MED13: variants seen among roughly 807,000 people sequenced by gnomAD.
The protein encoded by MED13 is mediator of RNA polymerase II transcription subunit 13.
In MED13, 23 loss-of-function variants were observed where a neutral mutation model predicts 225.2. The ratio of observed to expected loss-of-function variants is 0.10; its 90% CI spans 0.07 to 0.14. The LOEUF (loss-of-function observed/expected upper bound fraction) is 0.14, where lower values mean the gene tolerates loss of function less well. MED13 is among the 10% of genes least tolerant of loss of function. The pLI is 1.00. For missense variants in MED13, 2,197 were observed against 2,594.5 expected, an observed-to-expected ratio of 0.85 and a Z score of 3.33; for synonymous variants, 942 against 889.2, an observed-to-expected ratio of 1.06 and a Z score of -1.06.
chr17:61,997,175 T>C (rs1485824521), intron 9 of MED13, among the ~76,000 whole-genome samples: 1 of 152,188 alleles, frequency 6.6e-6, no homozygotes, highest in Non-Finnish European at 1.5e-5. Flanking sequence ...CTAACACTAG[T>C]AGCACTTGAT....
chr17:61,962,539 A>T (rs1377516895), intron 21 of MED13, among the ~76,000 whole-genome samples: 1 of 152,134 alleles, frequency 6.6e-6, no homozygotes, highest in Non-Finnish European at 1.5e-5. Context: ...TACTTAATGG[A>T]ATTTTTTTAT....
chr17:61,988,385 A>C (rs1186573606), intron 11 of MED13, among the ~76,000 whole-genome samples: 1 of 152,236 alleles, frequency 6.6e-6, no homozygotes, highest in East Asian at 1.9e-4. Context: ...CTGCACAAGA[A>C]AAACAATTTG....
intron 2 of MED13, among the ~76,000 whole-genome samples, chr17:62,061,886 A>G (rs1323624552): frequency 6.6e-6 from 1 of 152,240 alleles, no homozygotes; most frequent in Non-Finnish European, 1.5e-5. Flanking sequence ...AAAGCTGGAA[A>G]GCTTTCTTGA....
chr17:62,043,156 C>CAAAAAAAAAAAAAAAAAA lies in MED13; in HGVS notation c.471-7566_471-7549dup, dbSNP rs764530614. ...AGGAGACAAAGCAAGACCCTGTCTC[C>CAAAAAAAAAAAAAAAAAA]AAAAAAAAAAAAAAAAAAAAAAAAA... On this transcript the variant is annotated intron_variant, in intron 3 of 29. Transcript: ENST00000397786. Among the ~76,000 whole-genome samples, 23 of 31,674 alleles carry CAAAAAAAAAAAAAAAAAA rather than the reference C, an allele frequency of 7.3e-4. No homozygotes were observed. The East Asian group carries it at 7.8e-3, about 11-fold the overall frequency. 20.8% of individuals were successfully genotyped at this position (31,674 alleles called of 152,430 possible).
intron 28 of MED13, among the ~76,000 whole-genome samples, chr17:61,950,199 A>T (rs2079884772): frequency 6.6e-6 from 1 of 152,106 alleles, no homozygotes; most frequent in Non-Finnish European, 1.5e-5. Context: ...AGTTTCTCTC[A>T]GCTCTAAATT....
At chr17:62,036,973 T>C (rs2080809133) in intron 3 of MED13, 1 of 152,186 alleles carries the variant, frequency 6.6e-6, no homozygotes, top group Admixed American at 6.5e-5. Flanking sequence ...ATAAATTTTT[T>C]TTAGGCCAGG....
chr17:62,031,282 G>A (rs2080753174), intron 6 of MED13, 162 bp downstream of exon 6: 1 of 613,688 alleles, frequency 1.6e-6, no homozygotes, highest in Non-Finnish European at 2.7e-6. Context: ...GGGTGATGGA[G>A]TAAATAATAA....
chr17:62,048,011 TATATACATATATAC>T (rs1211252524), intron 3 of MED13, among the ~76,000 whole-genome samples: 2 of 140,132 alleles, frequency 1.4e-5, no homozygotes, highest in Admixed American at 7.2e-5. Flanking sequence ...GGTACTGGTA[TATATACATATATAC>T]ATATACATAT....
At chr17:62,012,491 C>T (rs1311538151) in intron 8 of MED13, among the ~76,000 whole-genome samples, 4 of 151,276 alleles carry the variant, frequency 2.6e-5, no homozygotes, top group Non-Finnish European at 5.9e-5. Flanking sequence ...CCACCATGCC[C>T]GGCTAATTTT....
At chr17:62,004,568 G>A (rs2080427351) in intron 9 of MED13, 1 of 152,182 alleles carries the variant, frequency 6.6e-6, no homozygotes, top group Admixed American at 6.5e-5. Context: ...TGCTGGTGTA[G>A]CTAAATCAGG....
Position 61,943,906 on chromosome 17 carries a change from A to G in MED13, c.*2562T>C, listed in dbSNP as rs918502289. The G allele has an allele frequency of 7.2e-5, 11 of 152,590 alleles. No homozygotes were observed. Among genetic ancestry groups the G allele is most frequent in the African/African-American group, 2.2e-4 (9 of 41,460 alleles). 9.5% of individuals were successfully genotyped at this position (152,590 alleles called of 1,614,324 possible). On this transcript the variant is annotated 3_prime_UTR_variant, in exon 30 of 30. Coordinates refer to ENST00000397786, the MANE Select transcript of MED13 (RefSeq NM_005121.3). ...CAAGGTGTTGGTAATCCACTGCTATAAAGTATAATATTTTGCTTACCTATT... is the reference window on the plus strand; with the variant it reads ...CAAGGTGTTGGTAATCCACTGCTATGAAGTATAATATTTTGCTTACCTATT...
chr17:61,983,731 CTTTT>C (rs57772316), intron 15 of MED13, among the ~76,000 whole-genome samples: 3 of 138,458 alleles, frequency 2.2e-5, no homozygotes, highest in African/African-American at 2.7e-5. Context: ...CCCAATTAAC[CTTTT>C]TTTTTTTTTT....
intron 8 of MED13, among the ~76,000 whole-genome samples, chr17:62,025,342 T>G (rs1263393903): frequency 6.6e-6 from 1 of 152,230 alleles, no homozygotes; most frequent in East Asian, 1.9e-4. Context: ...AAAACATTCT[T>G]TATTTTTTTC....
intron 2 of MED13, among the ~76,000 whole-genome samples, chr17:62,057,862 T>C (rs893920928): frequency 6.6e-6 from 1 of 152,170 alleles, no homozygotes; most frequent in Non-Finnish European, 1.5e-5. Context: ...TCTCAAAGAG[T>C]CTCATCACAG....
chr17:61,997,065 T>C (rs16945756), intron 9 of MED13, among the ~76,000 whole-genome samples: 24,413 of 152,140 alleles, frequency 0.16, 2,399 homozygotes, highest in East Asian at 0.5. Context: ...AAGACAAAAA[T>C]TGTAAGATAT....
Position 61,968,235 on chromosome 17 carries a change from G to C in MED13, c.3991C>G (p.Leu1331Val). ...SYGTDESPEP[L>V]PIPTFLLGYD... The stretch of plus-strand genomic sequence containing the variant: ...CCCAACAAAAATGTGGGGATTGGCA[G>C]TGGTTCTGGGGATTCATCAGTTCCT... The change falls in exon 18 of 30, where the codon CTG becomes GTG. Residue 1331 changes from leucine (L) to valine (V), a missense_variant. By Grantham distance (32) the Leu-to-Val change is conservative. This residue lies in a region of MED13 where 47 missense variants were observed against 93.8 expected (regional missense o/e 0.50). Transcript: ENST00000397786. 1 of 1,613,914 alleles carries C rather than the reference G, an allele frequency of 6.2e-7. No homozygotes were observed.
At chr17:61,985,175 T>A in intron 12 of MED13, 85 bp from the exon 13 acceptor site, 1 of 1,086,018 alleles carries the variant, frequency 9.2e-7, no homozygotes, top group Non-Finnish European at 1.4e-6. Flanking sequence ...AACTTAACAG[T>A]AAAGCCCATT....
intron 2 of MED13, among the ~76,000 whole-genome samples, chr17:62,062,214 C>A (rs1258487940): frequency 1.3e-5 from 2 of 152,128 alleles, no homozygotes; most frequent in East Asian, 3.8e-4. Context: ...GTCTTTGGAA[C>A]CTTATAGCAT....
intron 2 of MED13, among the ~76,000 whole-genome samples, chr17:62,054,863 G>T (rs542428174): frequency 6.6e-5 from 10 of 151,948 alleles, no homozygotes; most frequent in African/African-American, 2.2e-4. Context: ...TCTGATGGTT[G>T]TAACACTTGT....
Sources: gnomAD v4.1 joint callset for allele counts (sites outside exome capture counted in the v4.1 genomes callset) on GRCh38, gnomAD v4.1.1 for gene constraint, gnomAD v4.1.1 regional missense constraint, MANE v1.5 for transcripts, NCBI Gene and HGNC (gene_info 2026-07-23, HGNC 2026-07-21) for gene names.